Variants in SFXN1 observed in about 807,000 individuals in gnomAD.
SFXN1 encodes the protein sideroflexin 1.
SFXN1 carries 32 observed loss-of-function variants against 39.5 expected under a neutral mutation model. The ratio of observed to expected loss-of-function variants is 0.81; its 90% CI spans 0.61 to 1.09. The LOEUF (loss-of-function observed/expected upper bound fraction) is 1.09. Ranked by LOEUF, SFXN1 falls within the 50% of genes least tolerant of loss-of-function variation. The pLI, the probability that SFXN1 is intolerant of heterozygous loss-of-function variation, is 0.00. For synonymous variants in SFXN1, 136 were observed against 146.5 expected, an observed-to-expected ratio of 0.93 and a Z score of 0.52; for missense variants, 402 against 407.1, an observed-to-expected ratio of 0.99 and a Z score of 0.11.
intron 8 of SFXN1, 83 bp from the exon 9 acceptor site, chr5:175,521,836 G>C (rs1162207681): frequency 2.8e-6 from 3 of 1,077,404 alleles, no homozygotes; most frequent in Non-Finnish European, 4.1e-6. Flanking sequence ...AATGTGGTGA[G>C]AGGTTCCTTC....
At chr5:175,521,871 T>C (rs977151385) in intron 8 of SFXN1, 48 bp from the exon 9 acceptor site, 10 of 1,483,206 alleles carry the variant, frequency 6.7e-6, no homozygotes, top group Non-Finnish European at 9.3e-6. Context: ...ATATTGCCTC[T>C]AAGACCCTGT....
intron 9 of SFXN1, 115 bp downstream of exon 9, chr5:175,522,083 C>A (rs1760899959): frequency 3.7e-6 from 3 of 813,576 alleles, no homozygotes; most frequent in Non-Finnish European, 3.8e-6. Flanking sequence ...CATCTCAGAA[C>A]ATCTGGAATG....
At chr5:175,480,781 G>A (rs1393926278) in intron 1 of SFXN1, among the ~76,000 whole-genome samples, 1 of 152,222 alleles carries the variant, frequency 6.6e-6, no homozygotes, top group Non-Finnish European at 1.5e-5. Flanking sequence ...GAAGACTTAC[G>A]TTGAAGTCAG....
chr5:175,486,151 A>T (rs1227873764), intron 1 of SFXN1, among the ~76,000 whole-genome samples: 1 of 151,804 alleles, frequency 6.6e-6, no homozygotes, highest in Non-Finnish European at 1.5e-5. Context: ...AGAACTTCAT[A>T]GTGTAAAGGT....
intron 2 of SFXN1, among the ~76,000 whole-genome samples, chr5:175,508,758 C>T (rs111294662): frequency 1.3e-5 from 2 of 152,230 alleles, no homozygotes; most frequent in African/African-American, 4.8e-5. Context: ...TTGCCTTAGC[C>T]TCCTGAGTAG....
intron 2 of SFXN1, among the ~76,000 whole-genome samples, chr5:175,501,760 G>C (rs954687346): frequency 5.3e-5 from 8 of 152,150 alleles, no homozygotes; most frequent in African/African-American, 1.9e-4. Context: ...CTAGGGAAAT[G>C]CAAATCCACA....
intron 2 of SFXN1, 110 bp downstream of exon 2, chr5:175,492,377 A>G: frequency 1.0e-6 from 1 of 1,000,566 alleles, no homozygotes; most frequent in Non-Finnish European, 1.4e-6. Context: ...TTGCAATGGA[A>G]TTCTTTTGAC....
At chr5:175,503,610 A>G (rs1446036308) in intron 2 of SFXN1, among the ~76,000 whole-genome samples, 1 of 152,242 alleles carries the variant, frequency 6.6e-6, no homozygotes, top group African/African-American at 2.4e-5. Context: ...AATGGGTGGT[A>G]CTTCTTTAAT....
rs377519829 is a variant in SFXN1 at position 175,497,861 on chromosome 5, C to T, written c.164+5594C>T. On this transcript the variant is annotated intron_variant, in intron 2 of 10. Transcript: ENST00000321442. ...AGGAGAATTGCTTGAACCCAGGAGG[C>T]GGAGGTTGTAGTGAGCCGAGATTGC... 1.1e-4 allele frequency among the ~76,000 whole-genome samples: 16 copies of T among 143,302 alleles called. No homozygotes were observed. The East Asian group carries it at 1.4e-3, about 12-fold the overall frequency. The allele number at this position is 143,302 out of a possible 152,430, so 94.0% of individuals were successfully genotyped here. A position where few individuals can be genotyped will look rare whatever the true frequency, so the allele number is the denominator to read the frequency against.
intron 2 of SFXN1, among the ~76,000 whole-genome samples, chr5:175,503,840 TAA>T (rs1456725005): frequency 6.6e-6 from 1 of 151,980 alleles, no homozygotes; most frequent in Admixed American, 6.6e-5. Context: ...CCGTTTCTAC[TAA>T]AAATACAAAA....
chr5:175,482,726 T>G (rs1448590973), intron 1 of SFXN1, among the ~76,000 whole-genome samples: 2 of 152,224 alleles, frequency 1.3e-5, no homozygotes, highest in Non-Finnish European at 2.9e-5. Flanking sequence ...CTGTGTTTTA[T>G]AGATGACAGA....
At chr5:175,509,656 C>A (rs1281878558) in intron 3 of SFXN1, among the ~76,000 whole-genome samples, 1 of 151,864 alleles carries the variant, frequency 6.6e-6, no homozygotes, top group Non-Finnish European at 1.5e-5. Context: ...GGCAAATTCT[C>A]CTTTGACTCC....
chr5:175,511,620 T>A (rs1760519487), intron 5 of SFXN1, 94 bp downstream of exon 5: 1 of 958,258 alleles, frequency 1.0e-6, no homozygotes, highest in Non-Finnish European at 1.6e-6. Flanking sequence ...CTAGTTCAAG[T>A]CATATGGCTT....
chr5:175,510,009 C>G, intron 3 of SFXN1, 100 bp from the exon 4 acceptor site: 1 of 903,694 alleles, frequency 1.1e-6, no homozygotes, highest in Non-Finnish European at 1.8e-6. Context: ...TCTCCCTTCC[C>G]CAGTACGTCT....
chr5:175,513,314 A>C, intron 6 of SFXN1, 149 bp from the exon 7 acceptor site: 1 of 733,200 alleles, frequency 1.4e-6, no homozygotes, highest in African/African-American at 1.8e-5. Flanking sequence ...AAAAAAAAAA[A>C]AAAAAAAAAA....
rs549577181 is a variant in SFXN1 at position 175,510,160 on chromosome 5, C to T, written c.387C>T (p.Ala129=). 117 of 1,613,330 alleles carry T rather than the reference C, an allele frequency of 7.3e-5. No individual in the cohort carries two copies. Among genetic ancestry groups the T allele is most frequent in the South Asian group, 1.7e-4 (15 of 90,802 alleles). ...FWQWINQSFN[A]VVNYTNRSGD... is the part of the protein sequence containing the mutation. The stretch of plus-strand genomic sequence containing the variant: ...AGTGGATTAACCAGTCCTTCAATGC[C>T]GTCGTCAATTACACCAACAGAAGTG... Residue 129 remains alanine (A), a synonymous_variant, in exon 4 of 11, where the codon GCC becomes GCT. Transcript: ENST00000321442.
intron 1 of SFXN1, among the ~76,000 whole-genome samples, chr5:175,479,785 A>G (rs1364234708): frequency 2.0e-5 from 3 of 152,022 alleles, no homozygotes; most frequent in Non-Finnish European, 4.4e-5. Flanking sequence ...CTGCGCCCCC[A>G]TAGCTTTTTC....
At chr5:175,492,296 A>C in intron 2 of SFXN1, 29 bp downstream of exon 2, 2 of 1,551,280 alleles carry the variant, frequency 1.3e-6, no homozygotes, top group Non-Finnish European at 1.7e-6. Flanking sequence ...TTTTGGTTTA[A>C]TGTATAAATA....
At chr5:175,525,917 A>G (rs758433024) in intron 10 of SFXN1, 4 of 152,202 alleles carry the variant, frequency 2.6e-5, no homozygotes, top group Admixed American at 1.3e-4. Context: ...CCCAGCCTCA[A>G]ATATTTTTTT....
Sources: gnomAD v4.1 joint callset for allele counts (sites outside exome capture counted in the v4.1 genomes callset) on GRCh38, gnomAD v4.1.1 for gene constraint, MANE v1.5 for transcripts, NCBI Gene and HGNC (gene_info 2026-07-23, HGNC 2026-07-21) for gene names.